The following CSMD3 variants were observed in gnomAD, a reference collection of about 807,000 sequenced individuals.
The protein encoded by CSMD3 is CUB and Sushi multiple domains 3.
A neutral mutation model predicts 435.2 loss-of-function variants in CSMD3; 177 were observed. The observed-to-expected ratio is 0.41, with a 90% CI of 0.36 to 0.46. CSMD3 has a LOEUF of 0.46. Among genes scored for constraint, CSMD3 ranks in the 20% least tolerant of loss-of-function variants. CSMD3 has a pLI of 0.34. For synonymous variants in CSMD3, 1,656 were observed against 1,520.5 expected (o/e 1.09, Z -2.07); for missense variants, 4,265 against 4,504.6 (o/e 0.95, Z 1.52).
At chr8:113,303,547 C>T (rs1330852392) in intron 2 of CSMD3, among the ~76,000 whole-genome samples, 1 of 149,254 alleles carries the variant, frequency 6.7e-6, no homozygotes, top group African/African-American at 2.5e-5. Context: ...CAGCATGGTA[C>T]TGGTACCAAA....
chr8:112,572,094 G>T, intron 24 of CSMD3, among the ~76,000 whole-genome samples: 1 of 150,528 alleles, frequency 6.6e-6, no homozygotes, highest in Non-Finnish European at 1.5e-5. Flanking sequence ...TTGAGCAATA[G>T]TATATTGCTC....
chr8:112,245,704 A>T (rs1013404669), intron 64 of CSMD3, among the ~76,000 whole-genome samples: 1 of 151,956 alleles, frequency 6.6e-6, no homozygotes, highest in Non-Finnish European at 1.5e-5. Flanking sequence ...CACCCAGCTA[A>T]TTTTTTATAT....
At chr8:113,366,245 A>G (rs59196916) in intron 1 of CSMD3, among the ~76,000 whole-genome samples, 5,379 of 152,046 alleles carry the variant, frequency 0.035, 104 homozygotes, top group Admixed American at 0.042. Flanking sequence ...TTCTGCTTCC[A>G]TACCTCACCA....
chr8:113,003,920 TA>T (rs920224467), intron 6 of CSMD3, among the ~76,000 whole-genome samples: 18 of 151,810 alleles, frequency 1.2e-4, no homozygotes, highest in African/African-American at 4.1e-4. Context: ...CTTACCGGAT[TA>T]AAAAAAACAT....
intron 13 of CSMD3, among the ~76,000 whole-genome samples, chr8:112,778,901 T>G (rs1364696591): frequency 6.6e-6 from 1 of 151,988 alleles, no homozygotes; most frequent in Non-Finnish European, 1.5e-5. Flanking sequence ...ACTATCTCAT[T>G]GTTTTAATTT....
intron 4 of CSMD3, among the ~76,000 whole-genome samples, chr8:113,120,605 T>C (rs2090959389): frequency 6.6e-6 from 1 of 152,152 alleles, no homozygotes; most frequent in Non-Finnish European, 1.5e-5. Flanking sequence ...TAAGAAGATA[T>C]GTGTCAGGTT....
chr8:113,085,450 T>A (rs939471528), intron 5 of CSMD3, among the ~76,000 whole-genome samples: 2 of 152,138 alleles, frequency 1.3e-5, no homozygotes, highest in African/African-American at 4.8e-5. Flanking sequence ...GGAAATTAAA[T>A]AAGTATATCA....
chr8:112,234,727 A>G (rs893904070), intron 67 of CSMD3, among the ~76,000 whole-genome samples: 8 of 152,304 alleles, frequency 5.3e-5, no homozygotes, highest in Non-Finnish European at 1.2e-4. Context: ...TGCTATCACA[A>G]TTAAGCACTA....
chr8:112,966,076 T>C lies in CSMD3; in HGVS notation c.1342+9761A>G, dbSNP rs555855087. ...AGTATGGCAGGATATTGATAAAGCA[T>C]ACAATGATCAATATTTGTATGTAAC... On this transcript the variant is annotated intron_variant, in intron 7 of 70. Transcript: ENST00000297405. 4.6e-5 allele frequency among the ~76,000 whole-genome samples: 7 copies of C among 151,904 alleles called. No homozygotes were observed. In the South Asian group the frequency reaches 1.2e-3, roughly 27 times the overall value.
At chr8:112,609,794 A>T (rs756795519) in intron 22 of CSMD3, among the ~76,000 whole-genome samples, 1 of 151,896 alleles carries the variant, frequency 6.6e-6, no homozygotes, top group African/African-American at 2.4e-5. Context: ...AAGAAAATGT[A>T]ATATATATAT....
chr8:112,293,742 AT>A (rs2130699397), intron 54 of CSMD3, among the ~76,000 whole-genome samples: 1 of 152,256 alleles, frequency 6.6e-6, no homozygotes, highest in South Asian at 2.1e-4. Context: ...ATCTCACTCT[AT>A]TAATCAGAGC....
chr8:113,335,785 T>C (rs2094069630), intron 1 of CSMD3, among the ~76,000 whole-genome samples: 1 of 152,022 alleles, frequency 6.6e-6, no homozygotes, highest in African/African-American at 2.4e-5. Flanking sequence ...GTCAACCGTG[T>C]TGTTGAGTAC....
chr8:112,976,511 T>C (rs946924525), intron 6 of CSMD3, among the ~76,000 whole-genome samples: 8 of 152,132 alleles, frequency 5.3e-5, no homozygotes, highest in Non-Finnish European at 1.0e-4. Flanking sequence ...TGGGTAACTA[T>C]GTAACCACAC....
chr8:112,697,771 A>G (rs1029615277), intron 13 of CSMD3, among the ~76,000 whole-genome samples: 1 of 152,002 alleles, frequency 6.6e-6, no homozygotes, highest in African/African-American at 2.4e-5. Context: ...GACAAATAAA[A>G]TGTAGCCCCT....
chr8:113,007,987 T>C (rs1444056752), intron 6 of CSMD3, among the ~76,000 whole-genome samples: 1 of 151,862 alleles, frequency 6.6e-6, no homozygotes, highest in Non-Finnish European at 1.5e-5. Flanking sequence ...ATTCATTCCA[T>C]TTCTTAAATA....
At chr8:113,212,459 A>G (rs1394554918) in intron 3 of CSMD3, among the ~76,000 whole-genome samples, 1 of 152,124 alleles carries the variant, frequency 6.6e-6, no homozygotes, top group African/African-American at 2.4e-5. Flanking sequence ...CTAGCCATGG[A>G]TGTGGCTACA....
At chr8:112,261,087 C>A (rs530698091) in intron 61 of CSMD3, among the ~76,000 whole-genome samples, 2 of 152,098 alleles carry the variant, frequency 1.3e-5, no homozygotes, top group African/African-American at 4.8e-5. Context: ...TTGTTAATAT[C>A]TCTCTGAAGC....
rs1435659568 is a variant in CSMD3 at position 112,383,661 on chromosome 8, C to G, written c.5937G>C (p.Val1979=). ...ITVPEGAGIQ[V]QVVSFATEHN... ...GTTCTGTAGCAAAGCTAACAACTTG[C>G]ACCTGTGAAATAATAATTACAGGTA... Residue 1979 remains valine, a splice_region_variant and synonymous_variant, in exon 37 of 71, where the codon GTG becomes GTC. Coordinates refer to ENST00000297405, the MANE Select transcript of CSMD3 (RefSeq NM_198123.2). 9 of 1,579,988 alleles carry G rather than the reference C, an allele frequency of 5.7e-6. No individual in the cohort carries two copies. Among genetic ancestry groups the G allele is most frequent in the African/African-American group, 1.3e-5 (1 of 74,344 alleles).
At chr8:112,716,547 A>G (rs2131946517) in intron 13 of CSMD3, among the ~76,000 whole-genome samples, 1 of 152,146 alleles carries the variant, frequency 6.6e-6, no homozygotes, top group East Asian at 1.9e-4. Flanking sequence ...TACCATTGAC[A>G]TTTTTCACAT....
Sources: allele counts gnomAD v4.1 joint callset (sites outside exome capture counted in the v4.1 genomes callset), GRCh38; gene constraint gnomAD v4.1.1; transcripts MANE v1.5; gene names NCBI Gene and HGNC (gene_info 2026-07-23, HGNC 2026-07-21).